SOX5: variants seen among roughly 807,000 people sequenced by gnomAD.
SOX5 encodes SRY-box transcription factor 5, also known as transcription factor SOX-5.
A neutral mutation model predicts 92.0 loss-of-function variants in SOX5; 9 were observed. The observed-to-expected ratio is 0.10, with a 90% CI of 0.06 to 0.17. The LOEUF (loss-of-function observed/expected upper bound fraction) is 0.17. Ranked by LOEUF, SOX5 falls within the 10% of genes least tolerant of loss-of-function variation. The pLI, the probability that SOX5 is intolerant of heterozygous loss-of-function variation, is 1.00. For missense variants in SOX5, 642 were observed against 944.5 expected (o/e 0.68, Z 4.20); for synonymous variants, 344 against 336.3 (o/e 1.02, Z -0.25).
At chr12:24,490,161 A>G (rs1946907769) in intron 1 of SOX5, among the ~76,000 whole-genome samples, 1 of 152,228 alleles carries the variant, frequency 6.6e-6, no homozygotes. Flanking sequence ...AAGAGAGGAG[A>G]GACCATTTGT....
intron 6 of SOX5, among the ~76,000 whole-genome samples, chr12:23,668,049 T>C (rs1279942192): frequency 6.6e-6 from 1 of 152,216 alleles, no homozygotes; most frequent in Non-Finnish European, 1.5e-5. Flanking sequence ...GGTAATTTTT[T>C]GTTTAAAAAG....
intron 8 of SOX5, among the ~76,000 whole-genome samples, chr12:23,632,985 C>T (rs1419072090): frequency 6.6e-6 from 1 of 151,924 alleles, no homozygotes; most frequent in Non-Finnish European, 1.5e-5. Flanking sequence ...TTAATTAAGT[C>T]AATAAAAATG....
At chr12:23,903,200 T>C (rs1345888449) in intron 1 of SOX5, among the ~76,000 whole-genome samples, 1 of 152,136 alleles carries the variant, frequency 6.6e-6, no homozygotes, top group East Asian at 1.9e-4. Context: ...ATATGAGTGC[T>C]ACAGGAGATA....
At chr12:23,756,386 G>C (rs1287646155) in intron 3 of SOX5, among the ~76,000 whole-genome samples, 1 of 151,810 alleles carries the variant, frequency 6.6e-6, no homozygotes, top group African/African-American at 2.4e-5. Context: ...TATTCAGACA[G>C]GGCACACACA....
At chr12:23,600,019 T>G (rs1368466617) in intron 9 of SOX5, among the ~76,000 whole-genome samples, 1 of 152,240 alleles carries the variant, frequency 6.6e-6, no homozygotes, top group Non-Finnish European at 1.5e-5. Flanking sequence ...TGGTTCATTC[T>G]GTGGCAGAAA....
chr12:23,939,371 T>C (rs2139476944), intron 1 of SOX5, among the ~76,000 whole-genome samples: 1 of 151,016 alleles, frequency 6.6e-6, no homozygotes, highest in East Asian at 1.9e-4. Context: ...GGTTATTTTC[T>C]TTCTTTCTTT....
At chr12:24,302,481 C>T (rs1328709744) in intron 2 of SOX5, among the ~76,000 whole-genome samples, 1 of 152,020 alleles carries the variant, frequency 6.6e-6, no homozygotes, top group Non-Finnish European at 1.5e-5. Context: ...GTTTCAAGAC[C>T]TTGCTTCTTG....
intron 2 of SOX5, among the ~76,000 whole-genome samples, chr12:24,358,427 G>C (rs559615159): frequency 6.6e-6 from 1 of 152,136 alleles, no homozygotes; most frequent in African/African-American, 2.4e-5. Context: ...TCTCCTCTTT[G>C]TTTTGTATCT....
intron 2 of SOX5, among the ~76,000 whole-genome samples, chr12:23,863,578 T>C (rs193117401): frequency 2.0e-5 from 3 of 152,214 alleles, no homozygotes; most frequent in Non-Finnish European, 4.4e-5. Context: ...CTTACTCAAT[T>C]TTCTCTTTAA....
intron 8 of SOX5, among the ~76,000 whole-genome samples, chr12:23,613,470 A>G (rs1362285207): frequency 6.6e-6 from 1 of 152,184 alleles, no homozygotes; most frequent in African/African-American, 2.4e-5. Flanking sequence ...CAAAAAATTA[A>G]TGATAGAATT....
intron 1 of SOX5, among the ~76,000 whole-genome samples, chr12:24,437,228 T>C (rs973256202): frequency 7.9e-5 from 12 of 151,330 alleles, no homozygotes; most frequent in Middle Eastern, 3.4e-3. Flanking sequence ...GGAAATGATT[T>C]CCTATTTAAT....
intron 4 of SOX5, among the ~76,000 whole-genome samples, chr12:23,986,343 GAAAC>G (rs201691251): frequency 4.6e-5 from 7 of 151,704 alleles, no homozygotes; most frequent in Middle Eastern, 3.4e-3. Flanking sequence ...AGTTTGCAGG[GAAAC>G]AAACAAACAA....
intron 7 of SOX5, among the ~76,000 whole-genome samples, chr12:23,664,272 A>C (rs2083465050): frequency 6.6e-6 from 1 of 152,120 alleles, no homozygotes; most frequent in Admixed American, 6.6e-5. Context: ...AGTTTCTCAA[A>C]TAAATTAAAT....
In SOX5 at chr12:24,273,174, G is replaced by A. The variant is rs553469997; in HGVS notation, c.-77+4042C>T. ...CTTGGGAGGCTGAGGCACAAGAATCGCTTGAACCTGCAAGGCAGAGGTTGC... is the reference window on the plus strand; with the variant it reads ...CTTGGGAGGCTGAGGCACAAGAATCACTTGAACCTGCAAGGCAGAGGTTGC... On this transcript the variant is annotated intron_variant, in intron 3 of 4. Coordinates refer to the SOX5 transcript ENST00000446891. Among the ~76,000 whole-genome samples, 17 of 152,258 alleles carry A rather than the reference G, an allele frequency of 1.1e-4. No homozygotes were observed. In the South Asian group the frequency reaches 1.9e-3, roughly 17 times the overall value.
At chr12:24,045,511 G>T (rs1956908602) in intron 4 of SOX5, among the ~76,000 whole-genome samples, 1 of 151,992 alleles carries the variant, frequency 6.6e-6, no homozygotes, top group Admixed American at 6.6e-5. Flanking sequence ...TGTTGCCCAG[G>T]CTGGTCTCAG....
At chr12:23,601,473 C>T (rs74071305) in intron 9 of SOX5, among the ~76,000 whole-genome samples, 1,583 of 152,188 alleles carry the variant, frequency 0.01, 18 homozygotes, top group African/African-American at 0.036. Context: ...TTGGTTTATG[C>T]CAGGTAGGTA....
chr12:23,785,992 T>C lies in SOX5; in HGVS notation c.482-30268A>G, dbSNP rs193193727. Among the ~76,000 whole-genome samples, 541 of 152,184 alleles carry C rather than the reference T, an allele frequency of 3.6e-3. 3 individuals are homozygous for C. Among genetic ancestry groups the C allele is most frequent in the African/African-American group, 0.013 (522 of 41,566 alleles). On this transcript the variant is annotated intron_variant, in intron 3 of 14. Coordinates refer to ENST00000451604, the MANE Select transcript of SOX5 (RefSeq NM_006940.6). Reference sequence around the variant, plus strand: ...AAACAGGAAAGTAGAACTGTGAAGATTTTTTAAATAGTGGGAAAACAAGTT... The same window carrying C: ...AAACAGGAAAGTAGAACTGTGAAGACTTTTTAAATAGTGGGAAAACAAGTT...
intron 4 of SOX5, among the ~76,000 whole-genome samples, chr12:24,182,393 T>C (rs968791503): frequency 6.6e-6 from 1 of 152,196 alleles, no homozygotes; most frequent in Admixed American, 6.5e-5. Flanking sequence ...ATAAATCAGA[T>C]ATCAGTCCAC....
At chr12:24,039,010 A>T (rs1420451945) in intron 4 of SOX5, among the ~76,000 whole-genome samples, 2 of 152,216 alleles carry the variant, frequency 1.3e-5, no homozygotes, top group African/African-American at 2.4e-5. Flanking sequence ...GAAATGAGAA[A>T]ATAACCAGTA....
Sources: allele counts gnomAD v4.1 joint callset (sites outside exome capture counted in the v4.1 genomes callset), GRCh38; gene constraint gnomAD v4.1.1; transcripts MANE v1.5; gene names NCBI Gene and HGNC (gene_info 2026-07-23, HGNC 2026-07-21).